CEP72: variants seen among roughly 807,000 people sequenced by gnomAD.
CEP72 encodes centrosomal protein 72.
Under a neutral mutation model 65.7 loss-of-function variants are expected in CEP72, and 78 were observed. The ratio of observed to expected loss-of-function variants is 1.19; its 90% CI spans 0.99 to 1.43. The LOEUF (loss-of-function observed/expected upper bound fraction) is 1.43, where lower values mean the gene tolerates loss of function less well. Among genes scored for constraint, CEP72 ranks in the 40% most tolerant of loss-of-function variants. The pLI is 0.00. For missense variants in CEP72, 914 were observed against 832.9 expected, an observed-to-expected ratio of 1.10 and a Z score of -1.20; for synonymous variants, 358 against 351.7, an observed-to-expected ratio of 1.02 and a Z score of -0.20.
chr5:642,632 G>C lies in CEP72; in HGVS notation c.1540-1667G>C. 3.0e-6 allele frequency: 3 copies of C among 985,454 alleles called. No homozygotes were observed. The African/African-American group carries it at 5.2e-5, about 17-fold the overall frequency. 61.0% of individuals were successfully genotyped at this position (985,454 alleles called of 1,614,324 possible). A position where few individuals can be genotyped will look rare whatever the true frequency, so the allele number is the denominator to read the frequency against. On this transcript the variant is annotated intron_variant, in intron 9 of 11. Transcript: ENST00000264935. ...GACGCCTGCTTTTTTGCCCTCTGCA[G>C]TTTGCCTAACCCCTGCAGTTTGCAG...
downstream of CEP72, among the ~76,000 whole-genome samples, chr5:657,666 A>T (rs1016181008): frequency 1.3e-5 from 2 of 152,032 alleles, no homozygotes; most frequent in Admixed American, 1.3e-4. Context: ...CATATCCCTG[A>T]GTTGGGCTGG....
At position 612,355 on chromosome 5, in the gene CEP72, T is replaced by G; in HGVS notation, c.-7T>G. ...CGCAGGCGCCGTCCGAGGGCTCCGT[T>G]TGAAACATGGCGCGGGCTGGCCCTC... On this transcript the variant is annotated 5_prime_UTR_variant, in exon 1 of 12. Coordinates refer to ENST00000264935, the MANE Select transcript of CEP72 (RefSeq NM_018140.4). The G allele has an allele frequency of 1.3e-6, 2 of 1,488,354 alleles. No homozygotes were observed. The highest frequency in any genetic ancestry group is 2.3e-4 in the Middle Eastern group (1 of 4,270). The allele number at this position is 1,488,354 out of a possible 1,614,324, so 92.2% of individuals were successfully genotyped here.
In CEP72 at chr5:612,361, C is replaced by G; in HGVS notation, c.-1C>G. ...CGCCGTCCGAGGGCTCCGTTTGAAA[C>G]ATGGCGCGGGCTGGCCCTCGGCTGG... On this transcript the variant is annotated 5_prime_UTR_variant, in exon 1 of 12. Coordinates refer to ENST00000264935, the MANE Select transcript of CEP72 (RefSeq NM_018140.4). 1.3e-6 allele frequency: 2 copies of G among 1,489,242 alleles called. No individual in the cohort carries two copies. Among genetic ancestry groups the G allele is most frequent in the Non-Finnish European group, 1.8e-6 (2 of 1,124,720 alleles). The allele number at this position is 1,489,242 out of a possible 1,614,324, so 92.3% of individuals were successfully genotyped here. A position where few individuals can be genotyped will look rare whatever the true frequency, so the allele number is the denominator to read the frequency against.
intron 7 of CEP72, 39 bp downstream of exon 7, chr5:637,857 G>A (rs1335051182): frequency 4.1e-6 from 6 of 1,475,506 alleles, no homozygotes; most frequent in Non-Finnish European, 5.4e-6. Flanking sequence ...CCACGGCACT[G>A]CCTCCCTAAT....
At chr5:668,772 C>T (rs1039214150), downstream of CEP72, among the ~76,000 whole-genome samples, 2 of 152,248 alleles carry the variant, frequency 1.3e-5, no homozygotes, top group South Asian at 4.1e-4. Flanking sequence ...AAACCCCAAA[C>T]AATCCAGTGC....
At chr5:620,358 T>C in intron 3 of CEP72, 97 bp downstream of exon 3, 3 of 1,072,268 alleles carry the variant, frequency 2.8e-6, no homozygotes, top group East Asian at 4.8e-5. Flanking sequence ...CGTCACATGC[T>C]TGATTCCTTC....
At chr5:654,021 G>A (rs1039351997), downstream of CEP72, among the ~76,000 whole-genome samples, 8 of 80,436 alleles carry the variant, frequency 9.9e-5, no homozygotes, top group African/African-American at 3.1e-4. Context: ...CTGTGTGTGC[G>A]CTAGTGTGCG....
chr5:663,370 G>A (rs1187340247), intron 1 of CEP72: 1 of 152,470 alleles, frequency 6.6e-6, no homozygotes, highest in Non-Finnish European at 1.5e-5. Flanking sequence ...CATCCTAAAG[G>A]AGCCACGAAG....
chr5:619,965 A>G (rs1469218680), intron 2 of CEP72, 104 bp from the exon 3 acceptor site: 2 of 863,260 alleles, frequency 2.3e-6, no homozygotes, highest in African/African-American at 3.4e-5. Flanking sequence ...GAGTTATTGC[A>G]AATAAGTTTA....
intron 1 of CEP72, among the ~76,000 whole-genome samples, chr5:614,316 A>G (rs1040933146): frequency 1.3e-5 from 2 of 152,184 alleles, no homozygotes; most frequent in African/African-American, 4.8e-5. Flanking sequence ...TATTATAAAC[A>G]GTGCCACAAG....
At chr5:667,319 GAA>G (rs574778530), downstream of CEP72, among the ~76,000 whole-genome samples, 262 of 152,312 alleles carry the variant, frequency 1.7e-3, 6 homozygotes, top group African/African-American at 5.8e-3. Flanking sequence ...AAGCCAGAGA[GAA>G]AGGACTGTTT....
intron 4 of CEP72, among the ~76,000 whole-genome samples, chr5:627,602 A>T (rs958992082): frequency 6.6e-6 from 1 of 151,996 alleles, no homozygotes; most frequent in Non-Finnish European, 1.5e-5. Context: ...TATTTTTTAT[A>T]TAGTTGTTTT....
intron 1 of CEP72, chr5:662,815 G>A (rs777395032): frequency 1.3e-5 from 2 of 152,464 alleles, no homozygotes; most frequent in Non-Finnish European, 2.9e-5. Context: ...TTCAACACAA[G>A]GGCTTTGGAG....
Position 620,128 on chromosome 5 carries a change from G to T in CEP72, c.270G>T (p.Ser90=). 6.2e-7 allele frequency: 1 copy of T among 1,614,154 alleles called. No individual in the cohort carries two copies. Residue 90 remains serine (S), a synonymous_variant, in exon 3 of 12, where the codon TCG becomes TCT. Transcript: ENST00000264935. Reference sequence around the variant, plus strand: ...ATCTCTACTACAACTGCATCTCCTCGTTGGCAGAAGTGTTTCGGCTCCACG... The same window carrying T: ...ATCTCTACTACAACTGCATCTCCTCTTTGGCAGAAGTGTTTCGGCTCCACG... ...SLNLYYNCIS[S]LAEVFRLHAL...
intron 11 of CEP72, among the ~76,000 whole-genome samples, chr5:649,320 T>C (rs1738739793): frequency 8.3e-6 from 1 of 119,846 alleles, no homozygotes; most frequent in Admixed American, 8.8e-5. Flanking sequence ...GAGGCGTGAC[T>C]GTGAGGCGTG....
chr5:616,814 GTA>G (rs373046980), intron 1 of CEP72, among the ~76,000 whole-genome samples: 16,499 of 98,944 alleles, frequency 0.17, 1,640 homozygotes, highest in African/African-American at 0.32. Context: ...GTGTGTGTGT[GTA>G]TGTGTGTGTG....
At position 633,777 on chromosome 5, in the gene CEP72, ACCCCAGAG is replaced by A; in HGVS notation, c.524_531del (p.Pro175GlnfsTer17). On this transcript the variant is annotated frameshift_variant, in exon 5 of 12. Coordinates refer to ENST00000264935, the MANE Select transcript of CEP72 (RefSeq NM_018140.4). LOFTEE classifies it high-confidence loss of function. ...TTTGCTTTTCCTTACAGACCACACCACCCCAGAGCCAAGTGCACCGAGGCCTTGGCCAA... is the reference window on the plus strand; with the variant it reads ...TTTGCTTTTCCTTACAGACCACACCACCAAGTGCACCGAGGCCTTGGCCAA... 6.2e-7 allele frequency: 1 copy of A among 1,613,838 alleles called. No homozygotes were observed. Among genetic ancestry groups the A allele is most frequent in the Non-Finnish European group, 8.5e-7 (1 of 1,179,974 alleles).
chr5:633,541 G>T (rs563391717), intron 4 of CEP72, among the ~76,000 whole-genome samples: 4 of 152,354 alleles, frequency 2.6e-5, no homozygotes, highest in East Asian at 3.9e-4. Flanking sequence ...TCTGTCCAGT[G>T]CCGGGATGCT....
In CEP72 at chr5:647,791, T is replaced by G. The variant is rs75058383; in HGVS notation, c.1667-14T>G. ...TACTCATTAATGGTACTTTTTTTTT[T>G]CTTTCTCTTTCAGGACTTCAAACAA... On this transcript the variant is annotated splice_polypyrimidine_tract_variant and intron_variant, in intron 10 of 11. Transcript: ENST00000264935. 4.4e-6 allele frequency: 7 copies of G among 1,576,412 alleles called. No individual in the cohort carries two copies. Among genetic ancestry groups the G allele is most frequent in the Non-Finnish European group, 6.1e-6 (7 of 1,156,810 alleles).
Sources: allele counts gnomAD v4.1 joint callset (sites outside exome capture counted in the v4.1 genomes callset), GRCh38; gene constraint gnomAD v4.1.1; transcripts MANE v1.5; gene names NCBI Gene and HGNC (gene_info 2026-07-23, HGNC 2026-07-21).